Variants in BLTP1 observed in about 807,000 individuals in gnomAD.
BLTP1 encodes the protein fragile site-associated protein.
At chr4:122,346,760 A>C in the BLTP1 span, 8 of 1,608,810 alleles carry the variant, frequency 5.0e-6, no homozygotes, top group South Asian at 7.7e-5. Flanking sequence ...AAATTTGCCA[A>C]GTAAGCTTGT....
chr4:122,278,859 C>T, the BLTP1 span, among the ~76,000 whole-genome samples: 2 of 152,126 alleles, frequency 1.3e-5, no homozygotes, highest in African/African-American at 2.4e-5. Flanking sequence ...TTCAAACTCC[C>T]GAGCTCAAGT....
chr4:122,336,432 A>G, the BLTP1 span: 3 of 939,628 alleles, frequency 3.2e-6, no homozygotes, highest in Admixed American at 2.7e-5. Context: ...TAATGCTATT[A>G]TACATTATTA....
chr4:122,162,223 TG>T, the BLTP1 span, among the ~76,000 whole-genome samples: 1 of 152,238 alleles, frequency 6.6e-6, no homozygotes, highest in Non-Finnish European at 1.5e-5. Context: ...CTTTCTATGT[TG>T]CTCCAAATAA....
At chr4:122,208,617 C>T in the BLTP1 span, 278 of 981,834 alleles carry the variant, frequency 2.8e-4, no homozygotes, top group Non-Finnish European at 3.2e-4. Flanking sequence ...TGTGGATACC[C>T]ATGGAAGACA....
the BLTP1 span, chr4:122,344,611 A>G: frequency 7.4e-7 from 1 of 1,346,280 alleles, no homozygotes; most frequent in Non-Finnish European, 1.1e-6. Context: ...CCAAAATTAA[A>G]TAATGGCCTC....
chr4:122,188,960 C>G, the BLTP1 span: 3 of 984,878 alleles, frequency 3.0e-6, no homozygotes, highest in South Asian at 4.7e-5. Context: ...TTTTGAGTAT[C>G]GCGGTGACTG....
At chr4:122,269,332 A>G in the BLTP1 span, 28 of 839,442 alleles carry the variant, frequency 3.3e-5, no homozygotes, top group Non-Finnish European at 3.9e-5. Flanking sequence ...AGTAAAAACC[A>G]TATAATACTA....
chr4:122,197,169 T>C, the BLTP1 span: 2 of 918,496 alleles, frequency 2.2e-6, no homozygotes, highest in Admixed American at 5.2e-5. Context: ...TAATGTTTTA[T>C]ATGAATTAAT....
the BLTP1 span, chr4:122,187,949 G>A: frequency 6.3e-7 from 1 of 1,592,924 alleles, no homozygotes; most frequent in African/African-American, 1.4e-5. Flanking sequence ...CATCAACTTT[G>A]ATGATGCTTT....
At chr4:122,301,252 T>C in the BLTP1 span, 3 of 1,485,688 alleles carry the variant, frequency 2.0e-6, no homozygotes, top group African/African-American at 1.5e-5. Context: ...AAATAGTTAT[T>C]TTTTTTCTTT....
the BLTP1 span, chr4:122,254,118 C>T: frequency 7.2e-7 from 1 of 1,385,940 alleles, no homozygotes; most frequent in Non-Finnish European, 9.9e-7. Flanking sequence ...AGGTTTTGCA[C>T]TTAAAACATT....
chr4:122,209,143 T>C, the BLTP1 span: 9 of 1,594,570 alleles, frequency 5.6e-6, no homozygotes, highest in Non-Finnish European at 6.0e-6. Flanking sequence ...TTTGGCTTAT[T>C]ATAATTATTT....
the BLTP1 span, chr4:122,211,141 G>A: frequency 1.3e-6 from 2 of 1,502,980 alleles, no homozygotes; most frequent in African/African-American, 2.8e-5. Context: ...TATAGACAAA[G>A]CAATTAAAAT....
chr4:122,247,137 ACT>A, the BLTP1 span: 3 of 1,590,230 alleles, frequency 1.9e-6, no homozygotes, highest in Non-Finnish European at 1.7e-6. Context: ...TAAACATTTT[ACT>A]CTCTTTTTTT....
the BLTP1 span, among the ~76,000 whole-genome samples, chr4:122,329,703 T>C: frequency 3.3e-5 from 5 of 151,752 alleles, no homozygotes; most frequent in African/African-American, 7.3e-5. Context: ...TTTCCAGATA[T>C]ACAATTTGAT....
the BLTP1 span, among the ~76,000 whole-genome samples, chr4:122,286,991 T>C: frequency 3.3e-5 from 5 of 152,178 alleles, no homozygotes; most frequent in Non-Finnish European, 7.4e-5. Context: ...TGTAGTTTTA[T>C]TTACACATGC....
the BLTP1 span, among the ~76,000 whole-genome samples, chr4:122,315,062 T>A: frequency 0.028 from 4,321 of 152,258 alleles, 139 homozygotes; most frequent in African/African-American, 0.08. Context: ...GAGTCTCGTT[T>A]CTCCACCCTC....
At chr4:122,239,617 C>G in the BLTP1 span, 1 of 1,614,098 alleles carries the variant, frequency 6.2e-7, no homozygotes, top group Non-Finnish European at 8.5e-7. Context: ...CGACAAGCCT[C>G]TGTCTGTTCC....
At chr4:122,195,965 T>C in the BLTP1 span, among the ~76,000 whole-genome samples, 17 of 152,178 alleles carry the variant, frequency 1.1e-4, no homozygotes, top group African/African-American at 3.9e-4. Flanking sequence ...ACAATACTAA[T>C]GTTAGCTCAT....
Sources: allele counts gnomAD v4.1 joint callset (sites outside exome capture counted in the v4.1 genomes callset), GRCh38; gene constraint gnomAD v4.1.1; transcripts MANE v1.5; gene names NCBI Gene and HGNC (gene_info 2026-07-23, HGNC 2026-07-21).